VPS13B: variants seen among roughly 807,000 people sequenced by gnomAD.
VPS13B encodes vacuolar protein sorting 13 homolog B.
In VPS13B, 285 loss-of-function variants were observed where a neutral mutation model predicts 426.4. The observed-to-expected ratio is 0.67, with a 90% CI of 0.61 to 0.74. The LOEUF (loss-of-function observed/expected upper bound fraction) is 0.74, where lower values mean the gene tolerates loss of function less well. Ranked by LOEUF, VPS13B falls within the 30% of genes least tolerant of loss-of-function variation. The pLI is 0.00. For synonymous variants in VPS13B, 1,676 were observed against 1,676.4 expected, an observed-to-expected ratio of 1.00 and a Z score of 0.01; for missense variants, 4,537 against 4,782.6, an observed-to-expected ratio of 0.95 and a Z score of 1.51.
intron 33 of VPS13B, among the ~76,000 whole-genome samples, chr8:99,630,397 C>T (rs192510924): frequency 1.9e-3 from 294 of 152,192 alleles, no homozygotes; most frequent in Middle Eastern, 0.01. Flanking sequence ...ACTGCCATTT[C>T]AACAAGTCCA....
At chr8:99,230,233 T>G (rs981991606) in intron 17 of VPS13B, among the ~76,000 whole-genome samples, 1 of 152,212 alleles carries the variant, frequency 6.6e-6, no homozygotes, top group African/African-American at 2.4e-5. Context: ...TGTAGGAATT[T>G]TATTTAGGCA....
chr8:99,037,759 T>G (rs1037418488), intron 2 of VPS13B, among the ~76,000 whole-genome samples: 1 of 151,870 alleles, frequency 6.6e-6, no homozygotes, highest in South Asian at 2.1e-4. Flanking sequence ...CTAATGATAA[T>G]GAAAAGCAGT....
At chr8:99,707,073 T>C (rs2066689753) in intron 36 of VPS13B, among the ~76,000 whole-genome samples, 1 of 152,168 alleles carries the variant, frequency 6.6e-6, no homozygotes, top group Non-Finnish European at 1.5e-5. Context: ...CATAACATAC[T>C]GGGGCTGAGC....
chr8:99,088,374 A>C (rs889954078), intron 3 of VPS13B, among the ~76,000 whole-genome samples: 1 of 152,122 alleles, frequency 6.6e-6, no homozygotes, highest in African/African-American at 2.4e-5. Flanking sequence ...TTGCAATGTT[A>C]GAGCAGACAT....
At chr8:99,575,616 A>G (rs777228219) in intron 31 of VPS13B, 42 bp from the exon 32 acceptor site, 3 of 1,612,288 alleles carry the variant, frequency 1.9e-6, no homozygotes. Context: ...ATTGTCTTTG[A>G]AAATAATGAA....
intron 33 of VPS13B, among the ~76,000 whole-genome samples, chr8:99,640,054 A>AAGAAGAGAAAAGAAG (rs1453720837): frequency 4.0e-4 from 21 of 53,038 alleles, no homozygotes; most frequent in South Asian, 2.4e-3. Context: ...AAGAAGAGAA[A>AAGAAGAGAAAAGAAG]AGAAAAGAAA....
intron 21 of VPS13B, among the ~76,000 whole-genome samples, chr8:99,397,460 A>G (rs1814796850): frequency 1.3e-5 from 2 of 152,150 alleles, no homozygotes; most frequent in Admixed American, 1.3e-4. Context: ...AATATTTCTA[A>G]TTACATTTTT....
chr8:99,186,648 A>C (rs1157986705), intron 16 of VPS13B, among the ~76,000 whole-genome samples: 4 of 152,178 alleles, frequency 2.6e-5, no homozygotes, highest in Non-Finnish European at 4.4e-5. Flanking sequence ...TTTAAATACT[A>C]CTGGAGTATC....
intron 5 of VPS13B, among the ~76,000 whole-genome samples, chr8:99,107,277 A>G (rs1847097695): frequency 6.6e-6 from 1 of 152,202 alleles, no homozygotes; most frequent in African/African-American, 2.4e-5. Flanking sequence ...TATATCCACA[A>G]TATATAACTT....
At chr8:99,423,313 G>A (rs1323792438) in intron 21 of VPS13B, among the ~76,000 whole-genome samples, 1 of 151,730 alleles carries the variant, frequency 6.6e-6, no homozygotes, top group Admixed American at 6.6e-5. Flanking sequence ...CTGGAATGCA[G>A]TGGGGCAAAC....
chr8:99,265,922 CTT>C (rs755064916), intron 17 of VPS13B, among the ~76,000 whole-genome samples: 20 of 152,094 alleles, frequency 1.3e-4, no homozygotes, highest in Non-Finnish European at 2.5e-4. Context: ...CTATTTGGCT[CTT>C]GTCTTTTTAT....
At chr8:99,428,678 TG>T (rs1239161520) in intron 21 of VPS13B, among the ~76,000 whole-genome samples, 3 of 152,166 alleles carry the variant, frequency 2.0e-5, no homozygotes, top group African/African-American at 7.2e-5. Context: ...TTTACACTGT[TG>T]GTGGGAGTGT....
At chr8:99,419,634 A>G (rs1816264839) in intron 21 of VPS13B, among the ~76,000 whole-genome samples, 1 of 152,196 alleles carries the variant, frequency 6.6e-6, no homozygotes. Flanking sequence ...TTTCCCATGA[A>G]CAGAAAGGAA....
chr8:99,704,763 A>T (rs1371019393), intron 36 of VPS13B, among the ~76,000 whole-genome samples: 1 of 152,150 alleles, frequency 6.6e-6, no homozygotes, highest in Non-Finnish European at 1.5e-5. Context: ...ACTATGTCCC[A>T]AGTAGCTTAA....
intron 15 of VPS13B, among the ~76,000 whole-genome samples, chr8:99,162,636 G>A (rs184420703): frequency 2.9e-4 from 44 of 152,254 alleles, no homozygotes; most frequent in Non-Finnish European, 8.8e-5. Flanking sequence ...TTAAGGCAGC[G>A]CGTCTGGAGT....
At chr8:99,441,154 G>A (rs765002153) in intron 22 of VPS13B, among the ~76,000 whole-genome samples, 44 of 151,866 alleles carry the variant, frequency 2.9e-4, no homozygotes, top group African/African-American at 8.5e-4. Context: ...AAACCAATGC[G>A]TTTATTTTTG....
chr8:99,817,149 G>C (rs1024059127), intron 44 of VPS13B, among the ~76,000 whole-genome samples: 1 of 151,612 alleles, frequency 6.6e-6, no homozygotes, highest in African/African-American at 2.4e-5. Flanking sequence ...TTTTCACCCC[G>C]AGTCTGCCCT....
At chr8:99,696,536 G>T (rs181339445) in intron 35 of VPS13B, 11 of 468,944 alleles carry the variant, frequency 2.3e-5, no homozygotes, top group South Asian at 2.0e-4. Context: ...AATTCCTGCC[G>T]CCCGTGACCA....
chr8:99,094,790 T>C (rs1846335574), intron 3 of VPS13B, among the ~76,000 whole-genome samples: 1 of 152,122 alleles, frequency 6.6e-6, no homozygotes, highest in Non-Finnish European at 1.5e-5. Context: ...TCCCTTCAAA[T>C]ATATAAAGTA....
Sources: gnomAD v4.1 joint callset for allele counts (sites outside exome capture counted in the v4.1 genomes callset) on GRCh38, gnomAD v4.1.1 for gene constraint, MANE v1.5 for transcripts, NCBI Gene and HGNC (gene_info 2026-07-23, HGNC 2026-07-21) for gene names.